The following LRRC72 variants were observed in gnomAD, a reference collection of about 807,000 sequenced individuals.
The protein encoded by LRRC72 is leucine-rich repeat-containing protein 72.
In LRRC72, 41 loss-of-function variants were observed where a neutral mutation model predicts 35.8. The observed-to-expected ratio is 1.15, with a 90% confidence interval of 0.89 to 1.49. The LOEUF is 1.49. Among genes scored for constraint, LRRC72 ranks in the 40% most tolerant of loss-of-function variants. LRRC72 has a pLI of 0.00. For synonymous variants in LRRC72, 118 were observed against 119.2 expected (o/e 0.99, Z 0.07); for missense variants, 389 against 330.7 (o/e 1.18, Z -1.37).
At chr7:16,552,123 G>A (rs10228579) in intron 3 of LRRC72, among the ~76,000 whole-genome samples, 1 of 152,146 alleles carries the variant, frequency 6.6e-6, no homozygotes, top group Non-Finnish European at 1.5e-5. Context: ...TGAGAGCAGA[G>A]GAGAAAATCT....
At chr7:16,531,916 A>G (rs1380368975) in intron 1 of LRRC72, among the ~76,000 whole-genome samples, 4 of 152,212 alleles carry the variant, frequency 2.6e-5, no homozygotes. Flanking sequence ...ATGAGAAACG[A>G]AGTCACTGCT....
At chr7:16,571,987 T>C (rs1006148034) in intron 7 of LRRC72, among the ~76,000 whole-genome samples, 5 of 152,196 alleles carry the variant, frequency 3.3e-5, no homozygotes, top group Non-Finnish European at 7.3e-5. Context: ...GAAGTCGACC[T>C]GGGTCGCCCG....
In LRRC72 at chr7:16,558,755, TTAAC is replaced by T. The variant is rs531683379; in HGVS notation, c.317-133_317-130del. On this transcript the variant is annotated intron_variant, in intron 4 of 8. Coordinates refer to ENST00000401542, the MANE Select transcript of LRRC72 (RefSeq NM_001195280.2). ...TATATTATTAATAGTTATTCCTTCTTTAACCAGCTATCATATGTTTTCCTTTTTA... is the reference window on the plus strand; with the variant it reads ...TATATTATTAATAGTTATTCCTTCTTCAGCTATCATATGTTTTCCTTTTTA... 7.4e-4 allele frequency: 253 copies of T among 341,408 alleles called. 1 individual carries two copies. Among genetic ancestry groups the T allele is most frequent in the African/African-American group, 5.0e-3 (233 of 46,622 alleles). 21.1% of individuals were successfully genotyped at this position (341,408 alleles called of 1,614,324 possible). A position where few individuals can be genotyped will look rare whatever the true frequency, so the allele number is the denominator to read the frequency against.
chr7:16,567,483 G>A lies in LRRC72; in HGVS notation c.610G>A (p.Asp204Asn), dbSNP rs1474018594. The A allele has an allele frequency of 6.5e-7, 1 of 1,528,920 alleles. No individual in the cohort carries two copies. The highest frequency in any genetic ancestry group is 8.8e-7 in the Non-Finnish European group (1 of 1,136,372). The allele number at this position is 1,528,920 out of a possible 1,614,324, so 94.7% of individuals were successfully genotyped here. The stretch of plus-strand genomic sequence containing the variant: ...ATCAATAGCATTCGGAGGAAAAGTG[G>A]ATGCTTCATGGGATCCTAAATCACC... ...VQSIAFGGKV[D>N]ASWDPKSPFK... The change falls in exon 7 of 9, where the codon GAT (aspartate) becomes AAT (asparagine). Residue 204 changes from aspartate (D) to asparagine (N), a missense_variant. Coordinates refer to ENST00000401542, the MANE Select transcript of LRRC72 (RefSeq NM_001195280.2).
intron 3 of LRRC72, among the ~76,000 whole-genome samples, chr7:16,540,649 G>A (rs1269690658): frequency 6.6e-6 from 1 of 152,140 alleles, no homozygotes; most frequent in East Asian, 1.9e-4. Context: ...CCTGGTGGGA[G>A]GTGATTGGAT....
intron 7 of LRRC72, among the ~76,000 whole-genome samples, chr7:16,572,683 C>G (rs2128338909): frequency 6.6e-6 from 1 of 152,282 alleles, no homozygotes; most frequent in South Asian, 2.1e-4. Flanking sequence ...ATGACAGACC[C>G]ACAGCCAATA....
chr7:16,542,797 G>A (rs895522359), intron 3 of LRRC72, among the ~76,000 whole-genome samples: 1 of 152,218 alleles, frequency 6.6e-6, no homozygotes, highest in Non-Finnish European at 1.5e-5. Flanking sequence ...GGAATAGAAT[G>A]TGAGGGAGGT....
At chr7:16,531,099 C>A (rs970396342) in intron 1 of LRRC72, among the ~76,000 whole-genome samples, 3 of 151,362 alleles carry the variant, frequency 2.0e-5, no homozygotes, top group Non-Finnish European at 4.4e-5. Flanking sequence ...AGGAGAATTG[C>A]TTGAACCTGG....
In LRRC72 at chr7:16,555,543, C is replaced by T. The variant is rs563053565; in HGVS notation, c.235-1817C>T. Among the ~76,000 whole-genome samples, 7 of 152,262 alleles carry T rather than the reference C, an allele frequency of 4.6e-5. No individual in the cohort carries two copies. The South Asian group carries it at 6.2e-4, about 14-fold the overall frequency. On this transcript the variant is annotated intron_variant, in intron 3 of 8. Transcript: ENST00000401542. Reference sequence around the variant, plus strand: ...ATCCCAGCAATTCGGGAGGCCAAGGCGGGTGGATCAGCTGAGGTCAGGAGT... The same window carrying T: ...ATCCCAGCAATTCGGGAGGCCAAGGTGGGTGGATCAGCTGAGGTCAGGAGT...
chr7:16,533,190 A>T (rs1349476323), intron 2 of LRRC72, among the ~76,000 whole-genome samples: 6 of 152,116 alleles, frequency 3.9e-5, no homozygotes, highest in Admixed American at 3.9e-4. Context: ...TATGATAATG[A>T]ACTCCATTAT....
chr7:16,566,296 G>T lies in LRRC72; in HGVS notation c.428-17G>T. The T allele has an allele frequency of 2.8e-6, 4 of 1,447,166 alleles. No homozygotes were observed. Among genetic ancestry groups the T allele is most frequent in the East Asian group, 2.6e-5 (1 of 38,964 alleles). 89.6% of individuals were successfully genotyped at this position (1,447,166 alleles called of 1,614,324 possible). ...TTTTGAAATCTGACATTTTTATTTT[G>T]GATTCTTCATTTGCAGGTCTATACC... On this transcript the variant is annotated splice_polypyrimidine_tract_variant and intron_variant, in intron 5 of 8. Transcript: ENST00000401542.
At chr7:16,543,870 T>TGCCA (rs1246332493) in intron 3 of LRRC72, among the ~76,000 whole-genome samples, 8 of 152,228 alleles carry the variant, frequency 5.3e-5, no homozygotes, top group African/African-American at 1.9e-4. Context: ...TTCATGGAGA[T>TGCCA]GCCAAGACTA....
At chr7:16,550,707 C>A (rs975981103) in intron 3 of LRRC72, among the ~76,000 whole-genome samples, 5 of 152,164 alleles carry the variant, frequency 3.3e-5, no homozygotes, top group Admixed American at 3.3e-4. Context: ...TAGAAAATAG[C>A]TATTGAATTT....
chr7:16,562,913 T>C (rs111934185), intron 5 of LRRC72, among the ~76,000 whole-genome samples: 3,264 of 152,236 alleles, frequency 0.021, 76 homozygotes, highest in Admixed American at 0.056. Context: ...CAATCAGGGG[T>C]GATTTCCATA....
chr7:16,528,747 G>GT (rs1782115122), intron 1 of LRRC72, among the ~76,000 whole-genome samples: 1 of 152,076 alleles, frequency 6.6e-6, no homozygotes, highest in South Asian at 2.1e-4. Flanking sequence ...TTTGTCACAT[G>GT]TTTTTTCTAG....
chr7:16,573,510 A>G (rs1782984644), intron 7 of LRRC72, among the ~76,000 whole-genome samples: 1 of 152,202 alleles, frequency 6.6e-6, no homozygotes, highest in Non-Finnish European at 1.5e-5. Flanking sequence ...CACATCTACA[A>G]CCATCTGATC....
chr7:16,567,116 C>A (rs1782858825), intron 6 of LRRC72, among the ~76,000 whole-genome samples: 1 of 152,082 alleles, frequency 6.6e-6, no homozygotes, highest in Non-Finnish European at 1.5e-5. Flanking sequence ...ATGTTTCATG[C>A]TAAAATTTTA....
chr7:16,532,662 C>G (rs544410392), intron 2 of LRRC72, 94 bp downstream of exon 2: 2 of 1,026,914 alleles, frequency 1.9e-6, no homozygotes, highest in South Asian at 2.7e-5. Context: ...TCCATTTTTC[C>G]CCCTCAAGGA....
Position 16,566,352 on chromosome 7 carries a change from G to A in LRRC72, c.467G>A (p.Arg156His), listed in dbSNP as rs145598091. Residue 156 changes from arginine to histidine, a missense_variant, in exon 6 of 9, where the codon CGT (arginine) becomes CAT (histidine). Physicochemically the swap from Arg to His is conservative, Grantham distance 29 (BLOSUM62 0). Coordinates refer to ENST00000401542, the MANE Select transcript of LRRC72 (RefSeq NM_001195280.2). ...QNPLCQYNLY[R>H]LYIIYHLPGV... ...CCTTTGTGCCAATATAACCTGTATC[G>A]TTTATATATCATCTACCACCTTCCA... 4.5e-5 allele frequency: 70 copies of A among 1,547,002 alleles called. No individual in the cohort carries two copies. Among genetic ancestry groups the A allele is most frequent in the South Asian group, 1.9e-4 (16 of 82,960 alleles).
Sources: gnomAD v4.1 joint callset for allele counts (sites outside exome capture counted in the v4.1 genomes callset) on GRCh38, gnomAD v4.1.1 for gene constraint, MANE v1.5 for transcripts, NCBI Gene and HGNC (gene_info 2026-07-23, HGNC 2026-07-21) for gene names.